SYTL3: variants seen among roughly 807,000 people sequenced by gnomAD.
The protein encoded by SYTL3 is synaptotagmin like 3, also known as synaptotagmin-like protein 3.
A neutral mutation model predicts 82.1 loss-of-function variants in SYTL3; 88 were observed. The observed-to-expected ratio is 1.07, with a 90% CI of 0.90 to 1.28. SYTL3 has a LOEUF of 1.28. SYTL3 is among the 50% of genes most tolerant of loss of function. The pLI is 0.00. For synonymous variants in SYTL3, 311 were observed against 289.4 expected, an observed-to-expected ratio of 1.07 and a Z score of -0.76; for missense variants, 831 against 757.6, an observed-to-expected ratio of 1.10 and a Z score of -1.14.
chr6:158,755,808 A>C (rs555989309), intron 13 of SYTL3, among the ~76,000 whole-genome samples: 1 of 152,318 alleles, frequency 6.6e-6, no homozygotes, highest in South Asian at 2.1e-4. Context: ...TTCAAACCCC[A>C]AACAAGCGCC....
chr6:158,667,120 C>T (rs946343800), intron 5 of SYTL3, among the ~76,000 whole-genome samples: 1 of 152,202 alleles, frequency 6.6e-6, no homozygotes, highest in African/African-American at 2.4e-5. Flanking sequence ...ATAAACATTG[C>T]TGGGCAGGGT....
At chr6:158,722,256 G>A (rs1324657058) in intron 10 of SYTL3, among the ~76,000 whole-genome samples, 1 of 152,014 alleles carries the variant, frequency 6.6e-6, no homozygotes, top group Non-Finnish European at 1.5e-5. Flanking sequence ...TACCTCCTGG[G>A]CTCAGGTGAT....
chr6:158,709,090 G>A (rs961082498), intron 8 of SYTL3, among the ~76,000 whole-genome samples: 2 of 152,140 alleles, frequency 1.3e-5, no homozygotes, highest in Non-Finnish European at 2.9e-5. Context: ...AAAATTAGCT[G>A]GTCATGGTGG....
Position 158,707,322 on chromosome 6 carries a change from G to T in SYTL3, c.446+41G>T, listed in dbSNP as rs1163353841. ...GACAGACCGTCCCTGGCCCTCCGGG[G>T]CAGGAGCGCAGAGGACACTCTGCAA... On this transcript the variant is annotated intron_variant, in intron 7 of 17. Transcript: ENST00000611299. The T allele has an allele frequency of 3.1e-6, 5 of 1,590,314 alleles. No individual in the cohort carries two copies. In the East Asian group the frequency reaches 6.7e-5, roughly 21 times the overall value.
intron 6 of SYTL3, among the ~76,000 whole-genome samples, chr6:158,689,010 A>C (rs114811585): frequency 2.0e-5 from 3 of 152,234 alleles, no homozygotes; most frequent in Non-Finnish European, 4.4e-5. Context: ...CATTGGCTAT[A>C]TGATTTCTGA....
In SYTL3 at chr6:158,707,515, C is replaced by T. The variant is rs1782235262; in HGVS notation, c.446+234C>T. Among the ~76,000 whole-genome samples the T allele has an allele frequency of 2.6e-5, 4 of 152,138 alleles. No homozygotes were observed. The South Asian group carries it at 8.3e-4, about 31-fold the overall frequency. On this transcript the variant is annotated intron_variant, in intron 7 of 17. Transcript: ENST00000611299. ...TAGTATTTTCTCACTAGACATTCAG[C>T]TCTACTTCTTAAATTCTCCTGAAGT...
At chr6:158,743,266 C>T (rs1447945908) in intron 11 of SYTL3, among the ~76,000 whole-genome samples, 1 of 152,122 alleles carries the variant, frequency 6.6e-6, no homozygotes, top group African/African-American at 2.4e-5. Flanking sequence ...AAGGCAGCTC[C>T]GGATGTCAGG....
In SYTL3 at chr6:158,760,826, G is replaced by A. The variant is rs1789817594; in HGVS notation, c.1414+81G>A. ...TGCTGCAGGCAGACTGAGGTGGGGT[G>A]AAAGTTTTCTAGCATTTCCTTTCTA... On this transcript the variant is annotated intron_variant, in intron 15 of 17. Coordinates refer to ENST00000611299, the MANE Select transcript of SYTL3 (RefSeq NM_001242394.2). 13 of 1,153,094 alleles carry A rather than the reference G, an allele frequency of 1.1e-5. 1 individual carries two copies. The South Asian group carries it at 1.6e-4, about 14-fold the overall frequency. The allele number at this position is 1,153,094 out of a possible 1,614,324, so 71.4% of individuals were successfully genotyped here.
At chr6:158,719,224 C>G (rs1463497846) in intron 10 of SYTL3, among the ~76,000 whole-genome samples, 1 of 152,192 alleles carries the variant, frequency 6.6e-6, no homozygotes, top group Non-Finnish European at 1.5e-5. Context: ...CTTAACTAGG[C>G]TATCTCATTT....
chr6:158,743,458 T>G (rs1026192529), intron 11 of SYTL3, among the ~76,000 whole-genome samples: 2 of 150,894 alleles, frequency 1.3e-5, no homozygotes, highest in African/African-American at 4.9e-5. Flanking sequence ...TGACAAATGC[T>G]GTATGATTCA....
At chr6:158,703,629 G>A (rs1340226185) in intron 6 of SYTL3, among the ~76,000 whole-genome samples, 2 of 152,088 alleles carry the variant, frequency 1.3e-5, no homozygotes, top group Non-Finnish European at 2.9e-5. Flanking sequence ...AATCTGCCCG[G>A]ATCTTGCTCC....
rs1387913071 is a variant in SYTL3, at chr6:158,725,691, A to G, written c.855+54A>G. 1.6e-5 allele frequency: 25 copies of G among 1,594,348 alleles called. No individual in the cohort carries two copies. In the Admixed American group the frequency reaches 4.3e-4, roughly 27 times the overall value. On this transcript the variant is annotated intron_variant, in intron 11 of 17. Coordinates refer to ENST00000611299, the MANE Select transcript of SYTL3 (RefSeq NM_001242394.2). Reference sequence around the variant, plus strand: ...GTTTTTTTGTTTTTTGTTTTTTTGGAAAGCATAATGTACAAGTCCTTATTT... The same window carrying G: ...GTTTTTTTGTTTTTTGTTTTTTTGGGAAGCATAATGTACAAGTCCTTATTT...
At chr6:158,670,305 A>G (rs1777221202) in intron 5 of SYTL3, among the ~76,000 whole-genome samples, 2 of 152,224 alleles carry the variant, frequency 1.3e-5, no homozygotes, top group South Asian at 4.1e-4. Context: ...CTACCCTTCA[A>G]GTGAGTAAAA....
Position 158,760,634 on chromosome 6 carries a change from C to T in SYTL3, c.1309-6C>T, listed in dbSNP as rs758547336. 1.9e-6 allele frequency: 3 copies of T among 1,612,584 alleles called. No individual in the cohort carries two copies. Among genetic ancestry groups the T allele is most frequent in the Admixed American group, 3.3e-5 (2 of 60,002 alleles). On this transcript the variant is annotated splice_region_variant and splice_polypyrimidine_tract_variant and intron_variant, in intron 14 of 17. Coordinates refer to ENST00000611299, the MANE Select transcript of SYTL3 (RefSeq NM_001242394.2). ...CCTGTCCCTAAGCTCTGCCTCTTGT[C>T]CCCAGGCGGAGAAATACGAAGACAG... is the stretch of plus-strand genomic sequence containing the variant.
intron 6 of SYTL3, among the ~76,000 whole-genome samples, chr6:158,690,847 C>T (rs1362106836): frequency 6.6e-6 from 1 of 152,216 alleles, no homozygotes; most frequent in African/African-American, 2.4e-5. Context: ...CCTTCATAGG[C>T]TCTCTTGCCT....
At chr6:158,674,614 C>G (rs1324857256) in intron 5 of SYTL3, among the ~76,000 whole-genome samples, 1 of 152,210 alleles carries the variant, frequency 6.6e-6, no homozygotes, top group Non-Finnish European at 1.5e-5. Flanking sequence ...GATCCCCCTT[C>G]TTAGGTCTAC....
intron 14 of SYTL3, among the ~76,000 whole-genome samples, 161 bp from the exon 15 acceptor site, chr6:158,760,479 T>C (rs1387435138): frequency 6.6e-6 from 1 of 152,008 alleles, no homozygotes; most frequent in African/African-American, 2.4e-5. Context: ...AAACCATAGA[T>C]GGAAGGAAGA....
At position 158,718,193 on chromosome 6, in the gene SYTL3, G is replaced by C. The variant is rs572096258; in HGVS notation, c.702G>C (p.Ala234=). Residue 234 remains alanine (A), a synonymous_variant, in exon 10 of 18, where the codon GCG becomes GCC. Coordinates refer to ENST00000611299, the MANE Select transcript of SYTL3 (RefSeq NM_001242394.2). ...AGAGACGGAGCCAGTCTGACACTGC[G>C]GTCAACGTCACCACCAGGGTACCCT... ...QTERRSQSDT[A]VNVTTRKVSA... is the part of the protein sequence containing the mutation. 8.4e-6 allele frequency: 13 copies of C among 1,538,466 alleles called. No individual in the cohort carries two copies. In the South Asian group the frequency reaches 1.6e-4, roughly 19 times the overall value.
Position 158,736,494 on chromosome 6 carries a change from T to TATAAATATACATGAATATA in SYTL3, c.856-8985_856-8984insTAAATATACATGAATATAA, listed in dbSNP as rs537145921. On this transcript the variant is annotated intron_variant, in intron 11 of 17. Coordinates refer to ENST00000611299, the MANE Select transcript of SYTL3 (RefSeq NM_001242394.2). ...ATTGTTTGGGGGATATATTCATGTA[T>TATAAATATACATGAATATA]AATAAAACCATTGGCTGGATGCAGT... Among the ~76,000 whole-genome samples, 1,388 of 152,036 alleles carry TATAAATATACATGAATATA rather than the reference T, an allele frequency of 9.1e-3. 13 individuals are homozygous for TATAAATATACATGAATATA. The highest frequency in any genetic ancestry group is 0.031 in the African/African-American group (1,282 of 41,468).
Sources: gnomAD v4.1 joint callset for allele counts (sites outside exome capture counted in the v4.1 genomes callset) on GRCh38, gnomAD v4.1.1 for gene constraint, MANE v1.5 for transcripts, NCBI Gene and HGNC (gene_info 2026-07-23, HGNC 2026-07-21) for gene names.